Variants in CARF observed in about 807,000 individuals in gnomAD.
CARF encodes calcium-responsive transcription factor.
Under a neutral mutation model 82.0 loss-of-function variants are expected in CARF, and 57 were observed. The ratio of observed to expected loss-of-function variants is 0.70; its 90% CI spans 0.56 to 0.87. The LOEUF (loss-of-function observed/expected upper bound fraction) is 0.87. CARF is among the 40% of genes least tolerant of loss of function. The pLI is 0.00. For synonymous variants in CARF, 268 were observed against 290.1 expected (o/e 0.92, Z 0.77); for missense variants, 771 against 855.8 (o/e 0.90, Z 1.24).
intron 13 of CARF, 84 bp from the exon 14 acceptor site, chr2:202,977,184 TA>T: frequency 1.0e-6 from 1 of 991,104 alleles, no homozygotes; most frequent in Non-Finnish European, 1.6e-6. Flanking sequence ...ATACTGTGAA[TA>T]AAATATGACA....
chr2:202,954,750 CTGTAA>C (rs2058952600), intron 7 of CARF, among the ~76,000 whole-genome samples: 1 of 147,286 alleles, frequency 6.8e-6, no homozygotes, highest in Non-Finnish European at 1.5e-5. Flanking sequence ...TGGCTTATAC[CTGTAA>C]TCCCAACACT....
intron 11 of CARF, among the ~76,000 whole-genome samples, chr2:202,970,532 T>C (rs941849731): frequency 6.6e-6 from 1 of 152,204 alleles, no homozygotes; most frequent in Non-Finnish European, 1.5e-5. Flanking sequence ...GTTTTAAATG[T>C]GAAATATTAG....
chr2:202,943,527 A>G lies in CARF; in HGVS notation c.306+560A>G, dbSNP rs1402207006. ...CTTTGAGATCAATTGGAAATGTAACATATTCTGTAACTAGTTCTGAAGTGC... is the reference window on the plus strand; with the variant it reads ...CTTTGAGATCAATTGGAAATGTAACGTATTCTGTAACTAGTTCTGAAGTGC... On this transcript the variant is annotated intron_variant, in intron 5 of 16. Transcript: ENST00000438828. Among the ~76,000 whole-genome samples, 4 of 148,802 alleles carry G rather than the reference A, an allele frequency of 2.7e-5. No individual in the cohort carries two copies. In the East Asian group the frequency reaches 6.0e-4, roughly 22 times the overall value.
chr2:202,971,361 A>G (rs2059784392), intron 11 of CARF, 144 bp from the exon 12 acceptor site: 2 of 424,230 alleles, frequency 4.7e-6, no homozygotes, highest in South Asian at 1.1e-4. Context: ...GATATGAAAT[A>G]ACCATATATA....
intron 14 of CARF, among the ~76,000 whole-genome samples, chr2:202,977,680 C>T (rs1295232321): frequency 6.6e-6 from 1 of 152,126 alleles, no homozygotes; most frequent in Non-Finnish European, 1.5e-5. Flanking sequence ...TGTGTTCTTA[C>T]TGCTGGGCCC....
chr2:202,914,792 C>A (rs6723455), intron 1 of CARF, among the ~76,000 whole-genome samples: 87,228 of 107,652 alleles, frequency 0.81, 33,410 homozygotes, highest in Middle Eastern at 0.88. Flanking sequence ...AAAAAAAAAA[C>A]AAACAAAAAA....
intron 14 of CARF, among the ~76,000 whole-genome samples, chr2:202,977,801 T>C (rs945366722): frequency 6.6e-6 from 1 of 152,218 alleles, no homozygotes; most frequent in Non-Finnish European, 1.5e-5. Flanking sequence ...GTAATCTCTT[T>C]TAAGTACATT....
intron 12 of CARF, among the ~76,000 whole-genome samples, chr2:202,972,302 A>G (rs2059820207): frequency 6.6e-6 from 1 of 152,088 alleles, no homozygotes; most frequent in African/African-American, 2.4e-5. Flanking sequence ...TAGTCTTACA[A>G]TAGCACTATT....
intron 7 of CARF, among the ~76,000 whole-genome samples, chr2:202,955,185 A>G (rs2058979976): frequency 6.6e-6 from 1 of 152,134 alleles, no homozygotes; most frequent in Non-Finnish European, 1.5e-5. Context: ...AAATATGTAC[A>G]TGGCTTATGT....
chr2:202,915,233 T>G (rs1689408890), intron 1 of CARF, among the ~76,000 whole-genome samples: 1 of 152,008 alleles, frequency 6.6e-6, no homozygotes, highest in African/African-American at 2.4e-5. Flanking sequence ...GCCGGGATGG[T>G]CTCGATCCCC....
chr2:202,931,077 G>A (rs1308252534), intron 3 of CARF, among the ~76,000 whole-genome samples: 5 of 147,732 alleles, frequency 3.4e-5, no homozygotes, highest in South Asian at 2.2e-4. Flanking sequence ...TGATTCAAGC[G>A]ATTCTCCTGC....
intron 5 of CARF, among the ~76,000 whole-genome samples, chr2:202,943,244 T>G (rs1291454850): frequency 3.9e-5 from 6 of 151,982 alleles, no homozygotes; most frequent in Admixed American, 3.9e-4. Flanking sequence ...GCTCATTTTT[T>G]TGTATTTTTA....
intron 3 of CARF, among the ~76,000 whole-genome samples, chr2:202,930,128 A>G (rs1692620052): frequency 6.7e-6 from 1 of 149,634 alleles, no homozygotes; most frequent in African/African-American, 2.5e-5. Context: ...GCTCACTCCA[A>G]CCTCTGCCTC....
chr2:202,938,650 GT>G (rs916044083), intron 3 of CARF, among the ~76,000 whole-genome samples: 78 of 82,852 alleles, frequency 9.4e-4, no homozygotes, highest in East Asian at 2.1e-3. Context: ...TTGTGGGGGG[GT>G]TTTTTTTGTT....
intron 8 of CARF, among the ~76,000 whole-genome samples, chr2:202,958,249 A>ATGTGTGTGTGTGTGTG (rs71034206): frequency 0.27 from 37,428 of 139,570 alleles, 5,849 homozygotes; most frequent in Middle Eastern, 0.43. Flanking sequence ...ATATACATAT[A>ATGTGTGTGTGTGTGTG]TGTGTGTGTG....
intron 1 of CARF, among the ~76,000 whole-genome samples, chr2:202,916,481 C>T (rs540606550): frequency 5.3e-5 from 8 of 152,122 alleles, no homozygotes; most frequent in Non-Finnish European, 7.4e-5. Flanking sequence ...AGCATCCCGC[C>T]GAGCAATACT....
At chr2:202,976,104 C>T (rs2060015330) in intron 13 of CARF, among the ~76,000 whole-genome samples, 1 of 152,090 alleles carries the variant, frequency 6.6e-6, no homozygotes, top group African/African-American at 2.4e-5. Context: ...TACATACATA[C>T]AGTTCTTCAT....
Position 202,982,405 on chromosome 2 carries a change from A to C in CARF, c.2023A>C (p.Ile675Leu). 6.2e-7 allele frequency: 1 copy of C among 1,614,100 alleles called. No homozygotes were observed. ...GATTCTGTTGGGAGATGTGCAGACT[A>C]TTCCAATACAGATTATAGACAACCA... is the stretch of plus-strand genomic sequence containing the variant. ...HRILLGDVQT[I>L]PIQIIDNHSA... is the part of the protein sequence containing the mutation. The change falls in exon 16 of 17, where the codon ATT (isoleucine) becomes CTT (leucine). Residue 675 changes from isoleucine to leucine, a missense_variant. Coordinates refer to ENST00000438828, the MANE Select transcript of CARF (RefSeq NM_024744.17).
chr2:202,917,490 G>A (rs1041920399), intron 1 of CARF, among the ~76,000 whole-genome samples: 3 of 152,208 alleles, frequency 2.0e-5, no homozygotes, highest in Non-Finnish European at 2.9e-5. Context: ...GGGTTTGGGA[G>A]GTAGGGCATG....
Sources: gnomAD v4.1 joint callset for allele counts (sites outside exome capture counted in the v4.1 genomes callset) on GRCh38, gnomAD v4.1.1 for gene constraint, MANE v1.5 for transcripts, NCBI Gene and HGNC (gene_info 2026-07-23, HGNC 2026-07-21) for gene names.